CEACAM8: variants seen among roughly 807,000 people sequenced by gnomAD.
CEACAM8 encodes the protein cell adhesion molecule CEACAM8.
In CEACAM8, 31 loss-of-function variants were observed where a neutral mutation model predicts 33.4. The ratio of observed to expected loss-of-function variants is 0.93; its 90% CI spans 0.70 to 1.25. CEACAM8 has a LOEUF of 1.25. CEACAM8 is among the 50% of genes most tolerant of loss of function. The pLI is 0.00. For missense variants in CEACAM8, 388 were observed against 434.6 expected (o/e 0.89, Z 0.95); for synonymous variants, 138 against 164.5 (o/e 0.84, Z 1.23).
chr19:42,588,566 C>T (rs948743355), intron 4 of CEACAM8, among the ~76,000 whole-genome samples: 2 of 152,284 alleles, frequency 1.3e-5, no homozygotes, highest in East Asian at 1.9e-4. Flanking sequence ...CCCCTCTCCA[C>T]GTTTCTCAGG....
chr19:42,593,744 T>A lies in CEACAM8; in HGVS notation c.221A>T (p.Asp74Val), dbSNP rs775584487. 1 of 1,614,124 alleles carries A rather than the reference T, an allele frequency of 6.2e-7. No homozygotes were observed. The highest frequency in any genetic ancestry group is 2.2e-5 in the East Asian group (1 of 44,876). Residue 74 changes from aspartate to valine, a missense_variant, in exon 2 of 6, where the codon GAT becomes GTT. Transcript: ENST00000244336. The part of the protein sequence containing the change: ...GYNWYKGETV[D>V]ANRRIIGYVI... ...ATATCCTATAATTCGACGGTTGGCATCCACTGTTTCCCCTTTGTACCAGTT... is the reference window on the plus strand; with the variant it reads ...ATATCCTATAATTCGACGGTTGGCAACCACTGTTTCCCCTTTGTACCAGTT...
intron 5 of CEACAM8, 167 bp downstream of exon 5, chr19:42,583,039 G>A: frequency 1.8e-6 from 1 of 562,650 alleles, no homozygotes. Flanking sequence ...GAGACAGTGG[G>A]GTACAGGGAG....
chr19:42,584,462 T>A (rs1321386939), intron 4 of CEACAM8, among the ~76,000 whole-genome samples: 1 of 152,214 alleles, frequency 6.6e-6, no homozygotes, highest in African/African-American at 2.4e-5. Context: ...GAAAAAACTT[T>A]CCTGATGTCA....
chr19:42,583,286 C>A lies in CEACAM8; in HGVS notation c.1010G>T (p.Ser337Ile). The change falls in exon 5 of 6, where the codon AGC becomes ATC. Residue 337 changes from serine (S) to isoleucine (I), a missense_variant. By Grantham distance (142) the Ser-to-Ile change is moderately radical (BLOSUM62 -2). Transcript: ENST00000244336. ...SPGLSARATV[S>I]IMIGVLARVA... ...CCTGGCCAGTACTCCAATCATGATG[C>A]TGACAGTGGCTCTAGCTGAGAGGCC... 1 of 1,613,492 alleles carries A rather than the reference C, an allele frequency of 6.2e-7. No homozygotes were observed. Among genetic ancestry groups the A allele is most frequent in the Non-Finnish European group, 8.5e-7 (1 of 1,179,480 alleles).
chr19:42,594,559 A>G (rs985835238), intron 1 of CEACAM8, among the ~76,000 whole-genome samples: 26 of 152,296 alleles, frequency 1.7e-4, no homozygotes, highest in Middle Eastern at 3.4e-3. Context: ...AGGAATATGG[A>G]ACACTTGAGA....
chr19:42,589,510 A>T lies in CEACAM8; in HGVS notation c.650T>A (p.Ile217Lys). ...GAAGTTTGCACTCGCTGGGTTCTGT[A>T]TTTCACATTCATAGGGTCCTACGTC... is the stretch of plus-strand genomic sequence containing the variant. ...RNDVGPYECE[I>K]QNPASANFSD... Residue 217 changes from isoleucine (I) to lysine (K), a missense_variant, in exon 3 of 6, where the codon ATA becomes AAA. Transcript: ENST00000244336. The T allele has an allele frequency of 6.2e-7, 1 of 1,614,210 alleles. No homozygotes were observed. The highest frequency in any genetic ancestry group is 8.5e-7 in the Non-Finnish European group (1 of 1,180,048).
In CEACAM8 at chr19:42,588,862, T is replaced by C. The variant is rs760648931; in HGVS notation, c.880A>G (p.Ser294Gly). ...LFIPNITTKN[S>G]GSYACHTTNS... The stretch of plus-strand genomic sequence containing the variant: ...GTGGTGTGGCAGGCATAGGATCCGC[T>C]GTTCTTTGTAGTGATGTTGGGGATA... Residue 294 changes from serine to glycine, a missense_variant, in exon 4 of 6, where the codon AGC (serine) becomes GGC (glycine). Coordinates refer to ENST00000244336, the MANE Select transcript of CEACAM8 (RefSeq NM_001816.4). The C allele has an allele frequency of 1.6e-5, 26 of 1,614,078 alleles. No homozygotes were observed. The East Asian group carries it at 5.8e-4, about 36-fold the overall frequency.
chr19:42,589,113 A>C (rs1240964697), intron 3 of CEACAM8, 75 bp from the exon 4 acceptor site: 1 of 1,533,006 alleles, frequency 6.5e-7, no homozygotes, highest in Non-Finnish European at 8.8e-7. Flanking sequence ...GAAGAGCCAC[A>C]GTGTCCCTCT....
intron 3 of CEACAM8, among the ~76,000 whole-genome samples, 157 bp from the exon 4 acceptor site, chr19:42,589,195 A>T (rs2042388768): frequency 6.6e-6 from 1 of 152,224 alleles, no homozygotes; most frequent in South Asian, 2.1e-4. Flanking sequence ...ACTGAGACAG[A>T]GTCCGAGACA....
At chr19:42,581,523 TA>T (rs1324990914) in intron 5 of CEACAM8, among the ~76,000 whole-genome samples, 170 bp from the exon 6 acceptor site, 1 of 152,180 alleles carries the variant, frequency 6.6e-6, no homozygotes, top group Non-Finnish European at 1.5e-5. Context: ...CTCATATCGG[TA>T]ACATAACCGT....
chr19:42,582,938 AG>A, intron 5 of CEACAM8: 1 of 296,770 alleles, frequency 3.4e-6, no homozygotes, highest in Non-Finnish European at 6.2e-6. Context: ...AAATGACACA[AG>A]TGAGAGATGT....
At position 42,589,658 on chromosome 19, in the gene CEACAM8, C is replaced by T; in HGVS notation, c.502G>A (p.Glu168Lys). 2 of 1,614,188 alleles carry T rather than the reference C, an allele frequency of 1.2e-6. No homozygotes were observed. Among genetic ancestry groups the T allele is most frequent in the Non-Finnish European group, 1.7e-6 (2 of 1,180,030 alleles). ...TAGGTTGTGTTCTGAGTCTCAGGTT[C>T]ACAGGTGAAGGCCACAGCATCCTTG... The part of the protein sequence containing the change: ...EDKDAVAFTC[E>K]PETQNTTYLW... Residue 168 changes from glutamate (E) to lysine (K), a missense_variant, in exon 3 of 6, where the codon GAA (glutamate) becomes AAA (lysine). By Grantham distance (56) the Glu-to-Lys change is moderately conservative. Transcript: ENST00000244336.
chr19:42,589,832 T>C (rs1301217992), intron 2 of CEACAM8, 97 bp from the exon 3 acceptor site: 2 of 1,588,090 alleles, frequency 1.3e-6, no homozygotes, highest in African/African-American at 2.7e-5. Context: ...CCTCTCAGCC[T>C]ACTCGAGTCC....
chr19:42,589,790 A>G, intron 2 of CEACAM8, 55 bp from the exon 3 acceptor site: 1 of 1,611,418 alleles, frequency 6.2e-7, no homozygotes, highest in South Asian at 1.1e-5. Flanking sequence ...ATTCCTCCAC[A>G]GGCAAATTTC....
chr19:42,594,893 A>T lies in CEACAM8; in HGVS notation c.-65T>A. ...CCTGGGATCCAGAAACTTTCTGAGC[A>T]CGGCTGTCAGCTGTGCTGTCCTTCC... On this transcript the variant is annotated 5_prime_UTR_variant, in exon 1 of 6. Transcript: ENST00000244336. 6.5e-7 allele frequency: 1 copy of T among 1,539,886 alleles called. No homozygotes were observed. The highest frequency in any genetic ancestry group is 8.8e-7 in the Non-Finnish European group (1 of 1,132,298).
rs1468116159 is a variant in CEACAM8 at position 42,581,029 on chromosome 19, G to A, written c.*365C>T. On this transcript the variant is annotated 3_prime_UTR_variant, in exon 6 of 6. Coordinates refer to ENST00000244336, the MANE Select transcript of CEACAM8 (RefSeq NM_001816.4). ...CAGGAGGCGGAGCTTGCAGTGAGTT[G>A]AGATCGTGCCACTGCACTCCAGCCT... 1 of 145,690 alleles carries A rather than the reference G, an allele frequency of 6.9e-6. No homozygotes were observed. Among genetic ancestry groups the A allele is most frequent in the Non-Finnish European group, 1.5e-5 (1 of 67,484 alleles). 9.0% of individuals were successfully genotyped at this position (145,690 alleles called of 1,614,324 possible).
intron 2 of CEACAM8, among the ~76,000 whole-genome samples, chr19:42,592,818 G>A: frequency 6.6e-6 from 1 of 152,148 alleles, no homozygotes; most frequent in East Asian, 1.9e-4. Context: ...ACAAGTTGCT[G>A]TTAGGAACAT....
At position 42,594,864 on chromosome 19, in the gene CEACAM8, T is replaced by TTTCTG. The variant is rs2042518293; in HGVS notation, c.-37_-36insCAGAA. On this transcript the variant is annotated 5_prime_UTR_variant, in exon 1 of 6. Coordinates refer to ENST00000244336, the MANE Select transcript of CEACAM8 (RefSeq NM_001816.4). ...GCCTGCGTGTTCTCCTCTGTGGAGA[T>TTTCTG]GAGCCTGGGATCCAGAAACTTTCTG... 1 of 1,593,220 alleles carries TTTCTG rather than the reference T, an allele frequency of 6.3e-7. No homozygotes were observed. The highest frequency in any genetic ancestry group is 2.3e-5 in the East Asian group (1 of 44,310).
intron 1 of CEACAM8, 22 bp from the exon 2 acceptor site, chr19:42,593,922 A>C: frequency 6.4e-7 from 1 of 1,551,610 alleles, no homozygotes; most frequent in Non-Finnish European, 8.7e-7. Flanking sequence ...AGAGAGCATC[A>C]AGCAATATTG....
Sources: allele counts gnomAD v4.1 joint callset (sites outside exome capture counted in the v4.1 genomes callset), GRCh38; gene constraint gnomAD v4.1.1; transcripts MANE v1.5; gene names NCBI Gene and HGNC (gene_info 2026-07-23, HGNC 2026-07-21).